Variants in U2SURP observed in about 807,000 individuals in gnomAD.
U2SURP encodes U2 snRNP associated SURP domain containing.
In U2SURP, 9 loss-of-function variants were observed where a neutral mutation model predicts 144.9. That is an observed-to-expected ratio of 0.06 (90% confidence interval 0.04 to 0.11). The LOEUF is 0.11. Among genes scored for constraint, U2SURP ranks in the 10% least tolerant of loss-of-function variants. The pLI is 1.00. For synonymous variants in U2SURP, 408 were observed against 396.8 expected (o/e 1.03, Z -0.33); for missense variants, 724 against 1,226.7 (o/e 0.59, Z 6.12).
At chr3:143,009,786 A>G (rs1236621250) in intron 1 of U2SURP, among the ~76,000 whole-genome samples, 3 of 152,170 alleles carry the variant, frequency 2.0e-5, no homozygotes, top group African/African-American at 7.2e-5. Flanking sequence ...AAATAAAACA[A>G]TACTGTATGG....
In U2SURP at chr3:143,060,201, G is replaced by C. The variant is rs1246622630; in HGVS notation, c.*3751G>C. The C allele has an allele frequency of 6.6e-6, 1 of 152,384 alleles. No homozygotes were observed. Among genetic ancestry groups the C allele is most frequent in the African/African-American group, 2.4e-5 (1 of 41,428 alleles). The allele number at this position is 152,384 out of a possible 1,614,324, so 9.4% of individuals were successfully genotyped here. On this transcript the variant is annotated 3_prime_UTR_variant, in exon 28 of 28. Coordinates refer to ENST00000473835, the MANE Select transcript of U2SURP (RefSeq NM_001080415.2). ...ATCATGTCACATGTAATTGTGCTTG[G>C]AGTATTTGTGTTTTATTCTTTTACT...
chr3:143,027,485 G>C (rs1933222537), intron 14 of U2SURP, among the ~76,000 whole-genome samples: 1 of 152,066 alleles, frequency 6.6e-6, no homozygotes, highest in Non-Finnish European at 1.5e-5. Flanking sequence ...TCTACTTTCT[G>C]TCTCTTAGTA....
chr3:143,001,590 C>T lies in U2SURP; in HGVS notation c.-39C>T, dbSNP rs1249751818. 3 of 1,612,164 alleles carry T rather than the reference C, an allele frequency of 1.9e-6. No homozygotes were observed. Among genetic ancestry groups the T allele is most frequent in the African/African-American group, 1.3e-5 (1 of 74,880 alleles). ...CCGCTCTTTCGGTGCTCGACTCGCC[C>T]GTGCTGCTGCCGCCGCCGAAGGAGG... On this transcript the variant is annotated 5_prime_UTR_variant, in exon 1 of 28. Coordinates refer to ENST00000473835, the MANE Select transcript of U2SURP (RefSeq NM_001080415.2).
At chr3:143,008,950 G>A (rs1164990573) in intron 1 of U2SURP, among the ~76,000 whole-genome samples, 2 of 152,052 alleles carry the variant, frequency 1.3e-5, no homozygotes, top group East Asian at 3.9e-4. Flanking sequence ...GGTTTCACCA[G>A]GTTTGGCCAG....
At chr3:143,035,815 G>A (rs954157822) in intron 19 of U2SURP, among the ~76,000 whole-genome samples, 167 bp from the exon 20 acceptor site, 1 of 151,714 alleles carries the variant, frequency 6.6e-6, no homozygotes, top group African/African-American at 2.4e-5. Flanking sequence ...AGGTGACATT[G>A]ATTTTTTTAA....
chr3:143,027,034 C>G (rs557556728), intron 13 of U2SURP, 115 bp from the exon 14 acceptor site: 2 of 770,292 alleles, frequency 2.6e-6, no homozygotes, highest in South Asian at 3.6e-5. Context: ...GTATTAAATT[C>G]GGTGTTAGTC....
chr3:143,025,784 ACTTC>A (rs1338196171), intron 13 of U2SURP: 1 of 152,006 alleles, frequency 6.6e-6, no homozygotes, highest in Non-Finnish European at 1.5e-5. Flanking sequence ...AATTTTTTTT[ACTTC>A]CTTTAGGCTT....
rs1373321483 is a variant in U2SURP, at chr3:143,028,658, T to C, written c.1610+12T>C. The C allele has an allele frequency of 6.3e-7, 1 of 1,582,096 alleles. No homozygotes were observed. The highest frequency in any genetic ancestry group is 2.0e-5 in the Admixed American group (1 of 50,874). On this transcript the variant is annotated intron_variant, in intron 16 of 27. Coordinates refer to ENST00000473835, the MANE Select transcript of U2SURP (RefSeq NM_001080415.2). ...GCACTTAAGGAAGAGTAAGATATTTTTCCTTTCTATTATATATTCAGAAAA... is the reference window on the plus strand; with the variant it reads ...GCACTTAAGGAAGAGTAAGATATTTCTCCTTTCTATTATATATTCAGAAAA...
rs200761271 is a variant in U2SURP, at chr3:143,016,806, G to T, written c.437-36G>T. 7.0e-5 allele frequency: 102 copies of T among 1,462,126 alleles called. 3 individuals carry two copies. In the South Asian group the frequency reaches 1.2e-3, roughly 17 times the overall value. 90.6% of individuals were successfully genotyped at this position (1,462,126 alleles called of 1,614,324 possible). A position where few individuals can be genotyped will look rare whatever the true frequency, so the allele number is the denominator to read the frequency against. The stretch of plus-strand genomic sequence containing the variant: ...ATAAAACAGTAAAGAAAAATATTGC[G>T]AAATTAGTTTTGAAACTTAGTATTT... On this transcript the variant is annotated intron_variant, in intron 5 of 27. Transcript: ENST00000473835.
At chr3:143,050,693 A>G (rs909041819) in intron 24 of U2SURP, among the ~76,000 whole-genome samples, 3 of 152,180 alleles carry the variant, frequency 2.0e-5, no homozygotes, top group Admixed American at 6.5e-5. Context: ...TGTTGAGAGA[A>G]TAAGTGAGTT....
In U2SURP at chr3:143,020,099, C is replaced by A. The variant is rs941901682; in HGVS notation, c.638+63C>A. 2.4e-5 allele frequency: 25 copies of A among 1,048,782 alleles called. No homozygotes were observed. In the African/African-American group the frequency reaches 3.6e-4, roughly 15 times the overall value. The allele number at this position is 1,048,782 out of a possible 1,614,324, so 65.0% of individuals were successfully genotyped here. A position where few individuals can be genotyped will look rare whatever the true frequency, so the allele number is the denominator to read the frequency against. On this transcript the variant is annotated intron_variant, in intron 7 of 27. Coordinates refer to ENST00000473835, the MANE Select transcript of U2SURP (RefSeq NM_001080415.2). ...TATTGAGCTGATACATAAACAGATG[C>A]AAGTATAAAGAATATACTGTACCAG...
intron 8 of U2SURP, 103 bp from the exon 9 acceptor site, chr3:143,021,247 C>CA (rs754562573): frequency 7.7e-7 from 1 of 1,292,302 alleles, no homozygotes; most frequent in Non-Finnish European, 1.1e-6. Context: ...TTTTGTCTCT[C>CA]AGAAATACCT....
chr3:143,010,020 A>G (rs1444365330), intron 1 of U2SURP, among the ~76,000 whole-genome samples: 3 of 152,234 alleles, frequency 2.0e-5, no homozygotes, highest in Non-Finnish European at 4.4e-5. Flanking sequence ...GCTCAGTGAC[A>G]GTTATATTTT....
intron 1 of U2SURP, among the ~76,000 whole-genome samples, chr3:143,006,389 A>G (rs904613280): frequency 1.3e-5 from 2 of 152,300 alleles, no homozygotes; most frequent in Non-Finnish European, 1.5e-5. Flanking sequence ...TGACAAGTCA[A>G]GTATATTGAG....
At chr3:143,019,323 G>A (rs1578126485) in intron 6 of U2SURP, among the ~76,000 whole-genome samples, 1 of 152,188 alleles carries the variant, frequency 6.6e-6, no homozygotes, top group East Asian at 1.9e-4. Context: ...CGCTTTTGGT[G>A]TCATATCTAA....
chr3:143,014,813 A>G (rs1936283093), intron 4 of U2SURP, among the ~76,000 whole-genome samples: 1 of 152,050 alleles, frequency 6.6e-6, no homozygotes, highest in Non-Finnish European at 1.5e-5. Flanking sequence ...TTCATTTGCT[A>G]TGGCTGTGTA....
intron 27 of U2SURP, among the ~76,000 whole-genome samples, chr3:143,055,850 G>A (rs1935123400): frequency 6.6e-6 from 1 of 152,112 alleles, no homozygotes; most frequent in Admixed American, 6.6e-5. Context: ...CTTAAATGAT[G>A]CCCTTGAATG....
At chr3:143,045,342 C>T (rs1438280820) in intron 24 of U2SURP, among the ~76,000 whole-genome samples, 2 of 146,170 alleles carry the variant, frequency 1.4e-5, no homozygotes, top group Non-Finnish European at 3.0e-5. Flanking sequence ...GCACTGCAGC[C>T]TGGGCGACAG....
intron 2 of U2SURP, among the ~76,000 whole-genome samples, 169 bp downstream of exon 2, chr3:143,011,028 G>C (rs1447613453): frequency 7.0e-6 from 1 of 143,364 alleles, no homozygotes; most frequent in Admixed American, 7.0e-5. Context: ...TGTTCTGCTT[G>C]CATAACTTAG....
Sources: allele counts gnomAD v4.1 joint callset (sites outside exome capture counted in the v4.1 genomes callset), GRCh38; gene constraint gnomAD v4.1.1; transcripts MANE v1.5; gene names NCBI Gene and HGNC (gene_info 2026-07-23, HGNC 2026-07-21).